The following SHROOM3 variants were observed in gnomAD, a reference collection of about 807,000 sequenced individuals.
SHROOM3 encodes shroom family member 3, also known as protein Shroom3.
Under a neutral mutation model 138.6 loss-of-function variants are expected in SHROOM3, and 47 were observed. That is an observed-to-expected ratio of 0.34 (90% CI 0.27 to 0.43). The LOEUF (loss-of-function observed/expected upper bound fraction) is 0.43, where lower values mean the gene tolerates loss of function less well. Ranked by LOEUF, SHROOM3 falls within the 20% of genes least tolerant of loss-of-function variation. SHROOM3 has a pLI of 1.00. For synonymous variants in SHROOM3, 1,062 were observed against 1,063.3 expected (o/e 1.00, Z 0.02); for missense variants, 2,491 against 2,596.5 (o/e 0.96, Z 0.88).
rs959122695 is a variant in SHROOM3, at chr4:76,740,668, T to C, written c.2495T>C (p.Ile832Thr). The stretch of plus-strand genomic sequence containing the variant: ...GACTTCGAGGAGACAAAAGCACACA[T>C]TCGTTTCTCTGAGTCAGCTGAACCC... ...GNDFEETKAH[I>T]RFSESAEPLG... The change falls in exon 5 of 11, where the codon ATT (isoleucine) becomes ACT (threonine). Residue 832 changes from isoleucine to threonine, a missense_variant. Physicochemically the swap from Ile to Thr is moderately conservative, Grantham distance 89 (BLOSUM62 -1). Transcript: ENST00000296043. The surrounding 1 kb of genome is among the most constrained non-coding windows in gnomAD (Gnocchi z 4.0). The C allele has an allele frequency of 6.2e-7, 1 of 1,614,082 alleles. No homozygotes were observed. Among genetic ancestry groups the C allele is most frequent in the Non-Finnish European group, 8.5e-7 (1 of 1,180,012 alleles).
intron 2 of SHROOM3, among the ~76,000 whole-genome samples, chr4:76,629,601 G>C (rs1444525334): frequency 6.6e-6 from 1 of 152,196 alleles, no homozygotes; most frequent in Non-Finnish European, 1.5e-5. Context: ...AGAGATGCTG[G>C]TGACTTGGAC....
intron 2 of SHROOM3, among the ~76,000 whole-genome samples, chr4:76,656,580 T>C (rs1207010570): frequency 6.6e-6 from 1 of 152,216 alleles, no homozygotes; most frequent in Non-Finnish European, 1.5e-5. Flanking sequence ...GACTGTAATA[T>C]AATTGTCCAT....
chr4:76,468,374 C>T (rs149978401), intron 1 of SHROOM3, among the ~76,000 whole-genome samples: 2 of 152,286 alleles, frequency 1.3e-5, no homozygotes, highest in East Asian at 3.9e-4. Context: ...TCAATGTACA[C>T]AGTCATGTAT....
intron 1 of SHROOM3, among the ~76,000 whole-genome samples, chr4:76,554,017 A>G (rs142102384): frequency 6.6e-6 from 1 of 152,248 alleles, no homozygotes; most frequent in Non-Finnish European, 1.5e-5. Context: ...TGTACATTCT[A>G]TGGGTTTTGA....
Position 76,555,783 on chromosome 4 carries a change from C to T in SHROOM3, c.323+20C>T. On this transcript the variant is annotated intron_variant, in intron 2 of 10. Coordinates refer to ENST00000296043, the MANE Select transcript of SHROOM3 (RefSeq NM_020859.4). ...GCGCAGGTAGGTGGCAGACCCCCACCCTGTCCCTCCTACCACCTCACCCCA... is the reference window on the plus strand; with the variant it reads ...GCGCAGGTAGGTGGCAGACCCCCACTCTGTCCCTCCTACCACCTCACCCCA... The T allele has an allele frequency of 6.2e-7, 1 of 1,608,636 alleles. No individual in the cohort carries two copies. Among genetic ancestry groups the T allele is most frequent in the East Asian group, 2.2e-5 (1 of 44,830 alleles).
rs773785018 is a variant in SHROOM3 at position 76,710,252 on chromosome 4, G to A, written c.420G>A (p.Ala140=). Residue 140 remains alanine, a synonymous_variant, in exon 3 of 11, where the codon GCG becomes GCA. Transcript: ENST00000296043. ...LTSGPQHRKA[A]WSGGVKLRLK... is the part of the protein sequence containing the mutation. ...CTGGCCCCCAGCACAGGAAAGCAGC[G>A]TGGTCAGGAGGGGTTAAACTTCGGC... The A allele has an allele frequency of 1.5e-5, 24 of 1,613,964 alleles. No individual in the cohort carries two copies. Among genetic ancestry groups the A allele is most frequent in the Middle Eastern group, 1.6e-4 (1 of 6,084 alleles).
chr4:76,703,322 A>G (rs1719955434), intron 2 of SHROOM3, among the ~76,000 whole-genome samples: 2 of 152,222 alleles, frequency 1.3e-5, no homozygotes, highest in Non-Finnish European at 2.9e-5. Flanking sequence ...TAAAAAGGAA[A>G]AAAGATGAGT....
chr4:76,754,936 A>G lies in SHROOM3; in HGVS notation c.4453A>G (p.Ile1485Val). 3.7e-6 allele frequency: 6 copies of G among 1,613,970 alleles called. No individual in the cohort carries two copies. Among genetic ancestry groups the G allele is most frequent in the Non-Finnish European group, 5.1e-6 (6 of 1,179,966 alleles). The change falls in exon 7 of 11, where the codon ATC becomes GTC. Residue 1485 changes from isoleucine to valine, a missense_variant. By Grantham distance (29) the Ile-to-Val change is conservative. This residue lies in a region of SHROOM3 where 1,733 missense variants were observed against 1,661.6 expected (regional missense o/e 1.04). Transcript: ENST00000296043. The part of the protein sequence containing the change: ...PLGAPSTPGR[I>V]SLRISESVLR... ...TGGGGCCCCGAGCACTCCAGGGAGG[A>G]TCTCCCTCCGAATATCTGAGTCTGT...
intron 1 of SHROOM3, among the ~76,000 whole-genome samples, chr4:76,543,721 G>A (rs905845570): frequency 1.3e-5 from 2 of 152,056 alleles, no homozygotes; most frequent in Non-Finnish European, 2.9e-5. Flanking sequence ...GAGATGACAC[G>A]TGTTTTTTCT....
At chr4:76,591,650 G>A (rs989228022) in intron 2 of SHROOM3, among the ~76,000 whole-genome samples, 1 of 151,800 alleles carries the variant, frequency 6.6e-6, no homozygotes, top group Admixed American at 6.6e-5. Context: ...CTCTATTTAC[G>A]TGTTATTTAG....
At chr4:76,451,656 T>C (rs930481648) in intron 1 of SHROOM3, among the ~76,000 whole-genome samples, 5 of 152,190 alleles carry the variant, frequency 3.3e-5, no homozygotes, top group African/African-American at 9.7e-5. Context: ...CATTGAACTG[T>C]TTCCTTAAGA....
chr4:76,525,251 TTC>T (rs1188862675), intron 1 of SHROOM3, among the ~76,000 whole-genome samples: 2 of 152,176 alleles, frequency 1.3e-5, no homozygotes, highest in African/African-American at 4.8e-5. Context: ...AGCAGGCACC[TTC>T]TTCACAGGGT....
chr4:76,500,568 A>G (rs774708042), intron 1 of SHROOM3, among the ~76,000 whole-genome samples: 5 of 151,706 alleles, frequency 3.3e-5, no homozygotes, highest in Admixed American at 6.6e-5. Context: ...TTTTTTTCCT[A>G]CTAGCAGTGT....
At chr4:76,498,330 G>C (rs901868964) in intron 1 of SHROOM3, among the ~76,000 whole-genome samples, 1 of 152,080 alleles carries the variant, frequency 6.6e-6, no homozygotes, top group African/African-American at 2.4e-5. Flanking sequence ...TGGATAGATA[G>C]TTCAAGGAAG....
Position 76,626,932 on chromosome 4 carries a change from A to G in SHROOM3, c.323+71169A>G, listed in dbSNP as rs551221887. On this transcript the variant is annotated intron_variant, in intron 2 of 10. Transcript: ENST00000296043. ...TGACATCATGGCTAATGGGCTACCA[A>G]CAACAGCCTTCTTGAATTCACGCCC... 3.3e-5 allele frequency among the ~76,000 whole-genome samples: 5 copies of G among 152,332 alleles called. No homozygotes were observed. In the South Asian group the frequency reaches 6.2e-4, roughly 19 times the overall value.
chr4:76,688,146 A>T (rs540735927), intron 2 of SHROOM3, among the ~76,000 whole-genome samples: 86 of 152,352 alleles, frequency 5.6e-4, no homozygotes, highest in African/African-American at 2.1e-3. Context: ...TCCAATGCCT[A>T]GCAACAATGT....
chr4:76,536,895 C>T (rs1372557359), intron 1 of SHROOM3, among the ~76,000 whole-genome samples: 2 of 152,010 alleles, frequency 1.3e-5, no homozygotes, highest in Non-Finnish European at 2.9e-5. Context: ...GGCAGATCAC[C>T]TGAGGTCAGG....
chr4:76,582,556 C>CTTG (rs1345643678), intron 2 of SHROOM3, among the ~76,000 whole-genome samples: 1 of 152,132 alleles, frequency 6.6e-6, no homozygotes, highest in African/African-American at 2.4e-5. Flanking sequence ...GTCTGCAGTT[C>CTTG]ATCAACAGAG....
chr4:76,678,471 C>T (rs1266323163), intron 2 of SHROOM3, among the ~76,000 whole-genome samples: 1 of 152,014 alleles, frequency 6.6e-6, no homozygotes, highest in Non-Finnish European at 1.5e-5. Flanking sequence ...TTTGGGTTTT[C>T]TTAAAGCAGT....
Sources: allele counts gnomAD v4.1 joint callset (sites outside exome capture counted in the v4.1 genomes callset), GRCh38; gene constraint gnomAD v4.1.1; regional missense constraint gnomAD v4.1.1; non-coding constraint Gnocchi (gnomAD v3.1); transcripts MANE v1.5; gene names NCBI Gene and HGNC (gene_info 2026-07-23, HGNC 2026-07-21).